ASTN1: variants seen among roughly 807,000 people sequenced by gnomAD.
The protein encoded by ASTN1 is astrotactin-1.
ASTN1 carries 41 observed loss-of-function variants against 140.7 expected under a neutral mutation model. The ratio of observed to expected loss-of-function variants is 0.29; its 90% confidence interval spans 0.23 to 0.38. The LOEUF (loss-of-function observed/expected upper bound fraction) is 0.38. Among genes scored for constraint, ASTN1 ranks in the 10% least tolerant of loss-of-function variants. The pLI is 1.00. For missense variants in ASTN1, 1,479 were observed against 1,678.8 expected (o/e 0.88, Z 2.08); for synonymous variants, 640 against 652.2 (o/e 0.98, Z 0.29).
downstream of ASTN1, chr1:176,857,670 G>A: frequency 1.7e-6 from 1 of 584,366 alleles, no homozygotes. Context: ...AAGGAGTGTG[G>A]GAAAAGTTTC....
intron 12 of ASTN1, among the ~76,000 whole-genome samples, chr1:176,948,034 T>A (rs908792407): frequency 6.6e-6 from 1 of 152,180 alleles, no homozygotes; most frequent in Non-Finnish European, 1.5e-5. Context: ...AGAAACTGAA[T>A]GTGAAAATGG....
intron 5 of ASTN1, among the ~76,000 whole-genome samples, chr1:177,027,513 G>C (rs1676177955): frequency 6.6e-6 from 1 of 150,480 alleles, no homozygotes. Flanking sequence ...ATGGTCCTTT[G>C]TTAGCCATTT....
intron 1 of ASTN1, among the ~76,000 whole-genome samples, chr1:177,079,146 A>G (rs2102071499): frequency 6.6e-6 from 1 of 152,346 alleles, no homozygotes; most frequent in South Asian, 2.1e-4. Flanking sequence ...AAAGCAACAC[A>G]AAGATTCAGG....
At chr1:177,060,900 C>T (rs1359734441) in intron 2 of ASTN1, among the ~76,000 whole-genome samples, 178 bp downstream of exon 2, 1 of 152,150 alleles carries the variant, frequency 6.6e-6, no homozygotes, top group African/African-American at 2.4e-5. Context: ...GAAATAGTTG[C>T]AATTATTACT....
rs139990440 is a variant in ASTN1, at chr1:176,946,097, C to T, written c.2078G>A (p.Gly693Asp). Residue 693 changes from glycine (G) to aspartate (D), a missense_variant, in exon 13 of 23, where the codon GGT (glycine) becomes GAT (aspartate). By Grantham distance (94) the Gly-to-Asp change is moderately conservative. Transcript: ENST00000361833. ...FCGCIEDYKL[G>D]VDGRSCQLIT... ...GAGTTGGCAAGAGCGTCCATCCACA[C>T]CAAGCTTGTAGTCCTCGATGCACCT... 1.9e-4 allele frequency: 300 copies of T among 1,612,678 alleles called. No individual in the cohort carries two copies. The highest frequency in any genetic ancestry group is 2.5e-4 in the Non-Finnish European group (290 of 1,179,104).
chr1:177,087,723 T>A (rs2102093634), intron 1 of ASTN1, among the ~76,000 whole-genome samples: 1 of 152,316 alleles, frequency 6.6e-6, no homozygotes, highest in East Asian at 1.9e-4. Context: ...TTGCTGAAGC[T>A]ATTCAGAGAG....
chr1:177,157,711 C>A (rs1014369122), intron 1 of ASTN1, among the ~76,000 whole-genome samples: 6 of 151,986 alleles, frequency 3.9e-5, no homozygotes, highest in African/African-American at 1.5e-4. Flanking sequence ...CTTTTTCACC[C>A]TCTCCCTTCA....
chr1:176,899,575 C>T (rs1438151945), intron 16 of ASTN1, among the ~76,000 whole-genome samples: 1 of 152,194 alleles, frequency 6.6e-6, no homozygotes, highest in Non-Finnish European at 1.5e-5. Context: ...AATCAAATCC[C>T]AGCTTTTGGA....
chr1:177,065,109 G>A (rs1325555763), intron 1 of ASTN1, among the ~76,000 whole-genome samples: 2 of 152,188 alleles, frequency 1.3e-5, no homozygotes, highest in African/African-American at 2.4e-5. Context: ...GGGTGTCGAG[G>A]AGGCTCAGAT....
intron 1 of ASTN1, among the ~76,000 whole-genome samples, chr1:177,092,796 C>A (rs549763648): frequency 6.6e-6 from 1 of 152,102 alleles, no homozygotes; most frequent in South Asian, 2.1e-4. Context: ...GGCACTCTTG[C>A]CAAAAATGAA....
intron 1 of ASTN1, among the ~76,000 whole-genome samples, chr1:177,078,160 A>G (rs1295854745): frequency 6.6e-6 from 1 of 152,084 alleles, no homozygotes; most frequent in African/African-American, 2.4e-5. Context: ...AGGAAGATGT[A>G]TGATAGGAGA....
chr1:177,016,747 G>GA, intron 7 of ASTN1, among the ~76,000 whole-genome samples: 1 of 152,252 alleles, frequency 6.6e-6, no homozygotes, highest in Middle Eastern at 3.4e-3. Flanking sequence ...CTGTGCAGTA[G>GA]AAAATAAATT....
chr1:176,945,840 C>T (rs1671933873), intron 13 of ASTN1, 86 bp downstream of exon 13: 4 of 1,342,950 alleles, frequency 3.0e-6, no homozygotes, highest in East Asian at 2.3e-5. Context: ...CCTGCTCCAA[C>T]ATATAAAGCT....
At chr1:176,896,965 A>G (rs575065735) in intron 16 of ASTN1, among the ~76,000 whole-genome samples, 1 of 152,276 alleles carries the variant, frequency 6.6e-6, no homozygotes, top group South Asian at 2.1e-4. Flanking sequence ...TTTTGTCAGC[A>G]AACTCTACTT....
chr1:176,946,174 G>A, intron 12 of ASTN1, 54 bp from the exon 13 acceptor site: 1 of 1,440,946 alleles, frequency 6.9e-7, no homozygotes, highest in Non-Finnish European at 9.3e-7. Flanking sequence ...GACCCATGCA[G>A]GCAAGTCAAC....
Position 177,023,406 on chromosome 1 carries a change from GT to G in ASTN1, c.1435del (p.Thr479LeufsTer11), listed in dbSNP as rs35577382. ...CGCTGCCCGGTGCTCCCGCCTACCA[GT>G]TTCGGGGTCACATTGGTGTTCACAG... ...DPCEHQCDPE[T>X]GECLCYEGYM... On this transcript the variant is annotated frameshift_variant, in exon 7 of 23. Transcript: ENST00000361833. LOFTEE classifies it high-confidence loss of function. 6.3e-7 allele frequency: 1 copy of G among 1,590,014 alleles called. No individual in the cohort carries two copies. Among genetic ancestry groups the G allele is most frequent in the Non-Finnish European group, 8.6e-7 (1 of 1,167,812 alleles).
At position 177,091,955 on chromosome 1, in the gene ASTN1, AT is replaced by A. The variant is rs1679776288; in HGVS notation, c.284-30691del. 3.9e-5 allele frequency among the ~76,000 whole-genome samples: 6 copies of A among 152,246 alleles called. No homozygotes were observed. In the South Asian group the frequency reaches 1.2e-3, roughly 32 times the overall value. The stretch of plus-strand genomic sequence containing the variant: ...TTTTAATATTATGAATAATGCTACT[AT>A]AAAATTTTATGTATACTTTTTTTGT... On this transcript the variant is annotated intron_variant, in intron 1 of 22. Coordinates refer to ENST00000361833, the MANE Select transcript of ASTN1 (RefSeq NM_004319.3).
intron 1 of ASTN1, among the ~76,000 whole-genome samples, chr1:177,111,621 C>G (rs926335020): frequency 1.3e-5 from 2 of 152,126 alleles, no homozygotes; most frequent in African/African-American, 4.8e-5. Flanking sequence ...GATTATTGCT[C>G]TAAATGATGA....
intron 1 of ASTN1, among the ~76,000 whole-genome samples, chr1:177,092,220 T>C (rs1218586633): frequency 2.0e-5 from 3 of 152,340 alleles, no homozygotes; most frequent in Non-Finnish European, 2.9e-5. Context: ...TGGAATCTCA[T>C]TGTGGTTTTG....
Sources: gnomAD v4.1 joint callset for allele counts (sites outside exome capture counted in the v4.1 genomes callset) on GRCh38, gnomAD v4.1.1 for gene constraint, MANE v1.5 for transcripts, NCBI Gene and HGNC (gene_info 2026-07-23, HGNC 2026-07-21) for gene names.